The following CERS5 variants were observed in gnomAD, a reference collection of about 807,000 sequenced individuals.
CERS5 encodes ceramide synthase 5.
A neutral mutation model predicts 58.9 loss-of-function variants in CERS5; 37 were observed. The observed-to-expected ratio is 0.63, with a 90% CI of 0.48 to 0.83. The LOEUF is 0.83. Among genes scored for constraint, CERS5 ranks in the 40% least tolerant of loss-of-function variants. The pLI is 0.00. For synonymous variants in CERS5, 147 were observed against 177.8 expected (o/e 0.83, Z 1.38); for missense variants, 398 against 489.3 (o/e 0.81, Z 1.76).
intron 4 of CERS5, 49 bp downstream of exon 4, chr12:50,142,004 C>G (rs1414339516): frequency 9.7e-7 from 1 of 1,033,706 alleles, no homozygotes; most frequent in Admixed American, 2.0e-5. Context: ...TTCTAGAGAT[C>G]TAGGCATGAT....
chr12:50,167,358 A>C lies in CERS5; in HGVS notation c.-61T>G. 2 of 1,437,198 alleles carry C rather than the reference A, an allele frequency of 1.4e-6. No homozygotes were observed. Among genetic ancestry groups the C allele is most frequent in the Non-Finnish European group, 9.1e-7 (1 of 1,104,590 alleles). 89.0% of individuals were successfully genotyped at this position (1,437,198 alleles called of 1,614,324 possible). A position where few individuals can be genotyped will look rare whatever the true frequency, so the allele number is the denominator to read the frequency against. On this transcript the variant is annotated 5_prime_UTR_variant, in exon 1 of 10. Coordinates refer to ENST00000317551, the MANE Select transcript of CERS5 (RefSeq NM_147190.5). ...GTCAGCTGCCGCCACAGCCAACGGA[A>C]CCCGCGGGGAGGCGGCCCCAGGGCG...
At chr12:50,152,950 A>ATCCCAGC (rs1235689386) in intron 1 of CERS5, among the ~76,000 whole-genome samples, 6 of 151,928 alleles carry the variant, frequency 3.9e-5, no homozygotes, top group Admixed American at 2.6e-4. Flanking sequence ...GCCGCCTGTA[A>ATCCCAGC]TCCCAGCTAC....
At chr12:50,148,318 G>C (rs570566124) in intron 1 of CERS5, among the ~76,000 whole-genome samples, 1 of 151,980 alleles carries the variant, frequency 6.6e-6, no homozygotes, top group Non-Finnish European at 1.5e-5. Flanking sequence ...TAAATAGGCT[G>C]TATGCGGTGG....
rs768038590 is a variant in CERS5, at chr12:50,142,054, G to A, written c.491C>T (p.Ser164Leu). 1.0e-5 allele frequency: 16 copies of A among 1,586,814 alleles called. No individual in the cohort carries two copies. The highest frequency in any genetic ancestry group is 3.3e-5 in the Admixed American group (2 of 59,704). Residue 164 changes from serine (S) to leucine (L), a missense_variant and splice_region_variant, in exon 4 of 10, where the codon TCG becomes TTG. Coordinates refer to ENST00000317551, the MANE Select transcript of CERS5 (RefSeq NM_147190.5). ...GGACTAGAGAAAGTTAAGACTCACC[G>A]ACCAGAGAAATCTAATTCCATAGCA... is the stretch of plus-strand genomic sequence containing the variant. ...IFCYGIRFLW[S>L]SPWFWDIRQC...
At chr12:50,162,922 A>G (rs1032237064) in intron 1 of CERS5, among the ~76,000 whole-genome samples, 3 of 152,008 alleles carry the variant, frequency 2.0e-5, no homozygotes, top group Admixed American at 6.6e-5. Flanking sequence ...TTTAAGAGAC[A>G]GGGTCTCACT....
intron 8 of CERS5, 67 bp downstream of exon 8, chr12:50,135,665 A>G (rs1031550149): frequency 3.4e-6 from 4 of 1,168,552 alleles, no homozygotes; most frequent in Middle Eastern, 3.9e-4. Flanking sequence ...GAATGGGCAA[A>G]ATGAGAATTG....
intron 9 of CERS5, among the ~76,000 whole-genome samples, chr12:50,131,668 T>A (rs1951334475): frequency 6.6e-6 from 1 of 152,128 alleles, no homozygotes; most frequent in Non-Finnish European, 1.5e-5. Flanking sequence ...GAATCCCAGT[T>A]CTAATCATGC....
chr12:50,153,441 A>G (rs1938207054), intron 1 of CERS5, among the ~76,000 whole-genome samples: 1 of 151,378 alleles, frequency 6.6e-6, no homozygotes, highest in Non-Finnish European at 1.5e-5. Context: ...CACCACGTCC[A>G]GCTAATTTTT....
At chr12:50,148,647 G>C (rs1227021591) in intron 1 of CERS5, 3 of 240,284 alleles carry the variant, frequency 1.2e-5, no homozygotes, top group South Asian at 1.0e-4. Flanking sequence ...TTGTAATACC[G>C]GCACTTTGGG....
At chr12:50,132,124 G>A (rs1471359204) in intron 9 of CERS5, among the ~76,000 whole-genome samples, 1 of 149,432 alleles carries the variant, frequency 6.7e-6, no homozygotes, top group Non-Finnish European at 1.5e-5. Context: ...AAAGGGCCGA[G>A]CATGGTGGCT....
At chr12:50,133,613 C>T (rs1158684995) in intron 9 of CERS5, 2 of 985,158 alleles carry the variant, frequency 2.0e-6, no homozygotes, top group African/African-American at 1.7e-5. Context: ...GGCCCCATGT[C>T]AAAAAGAAAA....
chr12:50,132,424 A>T (rs879453331), intron 9 of CERS5, among the ~76,000 whole-genome samples: 11 of 59,022 alleles, frequency 1.9e-4, no homozygotes, highest in East Asian at 5.7e-4. Context: ...AATAAAAATT[A>T]AAAAAAAAAA....
intron 2 of CERS5, 167 bp downstream of exon 2, chr12:50,143,785 G>A: frequency 1.9e-6 from 1 of 540,282 alleles, no homozygotes. Flanking sequence ...GGGCCCAAAG[G>A]TTTTCCCTGA....
chr12:50,141,955 AAAAG>A (rs1412169994), intron 4 of CERS5, 94 bp downstream of exon 4: 27 of 765,888 alleles, frequency 3.5e-5, no homozygotes, highest in African/African-American at 5.5e-5. Context: ...AAAAAAAAAA[AAAAG>A]AAAAGAAAAA....
intron 9 of CERS5, chr12:50,133,326 A>AAAGT: frequency 9.4e-7 from 1 of 1,066,902 alleles, no homozygotes; most frequent in Non-Finnish European, 1.1e-6. Flanking sequence ...CAAAACTTGC[A>AAAGT]AAGTTCAATT....
At chr12:50,132,929 C>T in intron 9 of CERS5, 1 of 1,288,450 alleles carries the variant, frequency 7.8e-7, no homozygotes, top group South Asian at 1.2e-5. Flanking sequence ...ATGGACATGC[C>T]TCACTGAATA....
chr12:50,133,765 G>A, intron 9 of CERS5: 1 of 985,600 alleles, frequency 1.0e-6, no homozygotes, highest in Non-Finnish European at 1.2e-6. Flanking sequence ...TTGCGTCTAA[G>A]TCACATCTTA....
In CERS5 at chr12:50,130,647, T is replaced by A. The variant is rs747881759; in HGVS notation, c.1077A>T (p.Glu359Asp). 17 of 1,611,894 alleles carry A rather than the reference T, an allele frequency of 1.1e-5. No homozygotes were observed. Among genetic ancestry groups the A allele is most frequent in the Admixed American group, 1.7e-5 (1 of 59,974 alleles). ...GACTTTTTGTGCAGGTGGTCACATC[T>A]TCTTCCTCTGAGCTGCTCTCCACAT... Reference protein sequence around the residue: ...RSDVESSSEEEDVTTCTKSPC... With the variant: ...RSDVESSSEEDDVTTCTKSPC... The change falls in exon 10 of 10, where the codon GAA becomes GAT. Residue 359 changes from glutamate to aspartate, a missense_variant. By Grantham distance (45) the Glu-to-Asp change is conservative. This residue lies in a region of CERS5 where 47 missense variants were observed against 50.2 expected (regional missense o/e 0.94). Coordinates refer to ENST00000317551, the MANE Select transcript of CERS5 (RefSeq NM_147190.5).
intron 1 of CERS5, among the ~76,000 whole-genome samples, chr12:50,146,578 A>C (rs1378710585): frequency 6.6e-6 from 1 of 152,186 alleles, no homozygotes; most frequent in African/African-American, 2.4e-5. Flanking sequence ...AACATTTGAC[A>C]GCCGGGCGCA....
Sources: allele counts gnomAD v4.1 joint callset (sites outside exome capture counted in the v4.1 genomes callset), GRCh38; gene constraint gnomAD v4.1.1; regional missense constraint gnomAD v4.1.1; transcripts MANE v1.5; gene names NCBI Gene and HGNC (gene_info 2026-07-23, HGNC 2026-07-21).